The following NOL11 variants were observed in gnomAD, a reference collection of about 807,000 sequenced individuals.
NOL11 encodes the protein nucleolar protein 11.
NOL11 carries 42 observed loss-of-function variants against 93.0 expected under a neutral mutation model. The observed-to-expected ratio is 0.45, with a 90% confidence interval of 0.35 to 0.58. The LOEUF (loss-of-function observed/expected upper bound fraction) is 0.58. NOL11 is among the 20% of genes least tolerant of loss of function. The pLI is 0.00. For synonymous variants in NOL11, 296 were observed against 293.7 expected (o/e 1.01, Z -0.08); for missense variants, 775 against 841.8 (o/e 0.92, Z 0.98).
intron 7 of NOL11, among the ~76,000 whole-genome samples, chr17:67,730,957 G>A (rs1441029968): frequency 6.6e-6 from 1 of 152,166 alleles, no homozygotes; most frequent in African/African-American, 2.4e-5. Flanking sequence ...TTGGATTCTG[G>A]CCATTCTAGT....
Position 67,722,632 on chromosome 17 carries a change from G to GA in NOL11, c.519dup (p.His174ThrfsTer12). The GA allele has an allele frequency of 6.4e-7, 1 of 1,565,150 alleles. No homozygotes were observed. The highest frequency in any genetic ancestry group is 2.1e-5 in the Admixed American group (1 of 47,512). On this transcript the variant is annotated frameshift_variant, in exon 5 of 18. Transcript: ENST00000253247. LOFTEE classifies it high-confidence loss of function. Reference sequence around the variant, plus strand: ...ACATCCTGTTTTAATTTTTATTACTGAAAAAGTAAGTGATATCTTCAATTC... The same window carrying GA: ...ACATCCTGTTTTAATTTTTATTACTGAAAAAAGTAAGTGATATCTTCAATTC...
At chr17:67,722,674 A>C in intron 5 of NOL11, 37 bp downstream of exon 5, 1 of 1,458,410 alleles carries the variant, frequency 6.9e-7, no homozygotes, top group Non-Finnish European at 9.0e-7. Context: ...CATTTTGTGA[A>C]ATTTCTTTAA....
chr17:67,734,876 C>T (rs774255274), intron 8 of NOL11, among the ~76,000 whole-genome samples: 2 of 152,096 alleles, frequency 1.3e-5, no homozygotes, highest in Non-Finnish European at 2.9e-5. Context: ...TTATTTTTTA[C>T]CTGAGGGATT....
At chr17:67,742,950 A>T (rs571178067) in intron 16 of NOL11, among the ~76,000 whole-genome samples, 1 of 152,350 alleles carries the variant, frequency 6.6e-6, no homozygotes, top group South Asian at 2.1e-4. Flanking sequence ...TTTTAAAAAT[A>T]AAAAGACAAC....
intron 7 of NOL11, among the ~76,000 whole-genome samples, chr17:67,730,970 G>A (rs971085569): frequency 8.5e-5 from 13 of 152,130 alleles, no homozygotes; most frequent in African/African-American, 2.9e-4. Context: ...ATTCTAGTGG[G>A]TGTGAAGTAG....
intron 7 of NOL11, among the ~76,000 whole-genome samples, chr17:67,729,640 G>A (rs1027370594): frequency 6.6e-6 from 1 of 151,720 alleles, no homozygotes; most frequent in Non-Finnish European, 1.5e-5. Flanking sequence ...GTGCAGTTGC[G>A]CAATCTCGGC....
At chr17:67,739,075 C>G (rs1282911770) in intron 15 of NOL11, 65 bp downstream of exon 15, 3 of 1,167,642 alleles carry the variant, frequency 2.6e-6, no homozygotes, top group Non-Finnish European at 2.5e-6. Context: ...TTAACTCTAA[C>G]CAGCTGTTAG....
intron 7 of NOL11, among the ~76,000 whole-genome samples, chr17:67,730,217 G>A (rs1020112093): frequency 3.1e-4 from 47 of 151,898 alleles, no homozygotes; most frequent in African/African-American, 1.1e-3. Context: ...GAACATTCGT[G>A]TGCATGTATT....
At chr17:67,735,871 G>C (rs1183749920) in intron 8 of NOL11, 29 bp from the exon 9 acceptor site, 10 of 1,590,084 alleles carry the variant, frequency 6.3e-6, no homozygotes, top group Non-Finnish European at 8.6e-6. Flanking sequence ...AAAAAAATTT[G>C]CTTATGTTTT....
intron 13 of NOL11, 43 bp from the exon 14 acceptor site, chr17:67,738,079 T>G (rs2055219487): frequency 6.4e-7 from 1 of 1,553,142 alleles, no homozygotes; most frequent in Non-Finnish European, 8.7e-7. Flanking sequence ...TCCCAAAAGC[T>G]TGGTGATAAG....
At chr17:67,734,237 A>T in intron 7 of NOL11, 126 bp from the exon 8 acceptor site, 1 of 633,688 alleles carries the variant, frequency 1.6e-6, no homozygotes, top group South Asian at 1.9e-5. Context: ...TGTGGCAATC[A>T]CTGTCTTCAT....
chr17:67,726,621 C>G lies in NOL11; in HGVS notation c.826C>G (p.Leu276Val). The G allele has an allele frequency of 6.2e-7, 1 of 1,606,660 alleles. No individual in the cohort carries two copies. Among genetic ancestry groups the G allele is most frequent in the Middle Eastern group, 1.7e-4 (1 of 6,026 alleles). The change falls in exon 7 of 18, where the codon CTA (leucine) becomes GTA (valine). Residue 276 changes from leucine to valine, a missense_variant. Physicochemically the swap from Leu to Val is conservative, Grantham distance 32. Transcript: ENST00000253247. ...CCTGGATCAGGATCACGTCGCAGTC[C>G]TAGGAAGTCCACTAGCAGCTTCTAA... is the stretch of plus-strand genomic sequence containing the variant. Reference protein sequence around the residue: ...TALDQDHVAVLGSPLAASKEC... With the variant: ...TALDQDHVAVVGSPLAASKEC...
At chr17:67,739,466 G>T (rs770667865) in intron 15 of NOL11, 50 bp from the exon 16 acceptor site, 3 of 1,173,272 alleles carry the variant, frequency 2.6e-6, no homozygotes, top group Admixed American at 4.6e-5. Context: ...TTATATAATA[G>T]AAATTTTTTC....
Position 67,736,663 on chromosome 17 carries a change from T to G in NOL11, c.1055-3T>G. 1.3e-6 allele frequency: 2 copies of G among 1,596,834 alleles called. No homozygotes were observed. Among genetic ancestry groups the G allele is most frequent in the Non-Finnish European group, 1.7e-6 (2 of 1,169,542 alleles). ...AGAAATTGTGCATTTTGCATTTTCT[T>G]AGGAACTCATGTCGTGTCCCATTTT... On this transcript the variant is annotated splice_region_variant and splice_polypyrimidine_tract_variant and intron_variant, in intron 9 of 17. Coordinates refer to ENST00000253247, the MANE Select transcript of NOL11 (RefSeq NM_015462.5).
intron 7 of NOL11, among the ~76,000 whole-genome samples, chr17:67,732,170 A>G (rs576570167): frequency 7.9e-5 from 12 of 152,110 alleles, no homozygotes; most frequent in Non-Finnish European, 1.8e-4. Context: ...TTAGTGTACA[A>G]TGCTTTCACT....
At chr17:67,734,460 A>G (rs771100377) in intron 8 of NOL11, 21 bp downstream of exon 8, 1 of 1,426,890 alleles carries the variant, frequency 7.0e-7, no homozygotes, top group South Asian at 1.2e-5. Flanking sequence ...TCACTTGAGT[A>G]CTTTCTCTGA....
At chr17:67,738,467 T>C in intron 14 of NOL11, 112 bp downstream of exon 14, 1 of 679,076 alleles carries the variant, frequency 1.5e-6, no homozygotes, top group South Asian at 2.0e-5. Flanking sequence ...CCTTTTCCAA[T>C]TGTTTTTTGT....
In NOL11 at chr17:67,719,961, C is replaced by T; in HGVS notation, c.311C>T (p.Thr104Ile). Residue 104 changes from threonine to isoleucine, a missense_variant and splice_region_variant, in exon 3 of 18, where the codon ACA (threonine) becomes ATA (isoleucine). By Grantham distance (89) the Thr-to-Ile change is moderately conservative (BLOSUM62 -1). Around this residue, in one of 2 missense-constraint regions of NOL11, gnomAD observed 359 missense variants for 316.5 expected, o/e 1.13. Coordinates refer to ENST00000253247, the MANE Select transcript of NOL11 (RefSeq NM_015462.5). ...AACCTGGATAAAGTATTTAAAGCTA[C>T]AGTAAGTCTTTGAATTTTCCAACAT... The part of the protein sequence containing the change: ...DVNLDKVFKA[T>I]LSAEVYRILS... 1 of 1,553,798 alleles carries T rather than the reference C, an allele frequency of 6.4e-7. No individual in the cohort carries two copies. Among genetic ancestry groups the T allele is most frequent in the East Asian group, 2.3e-5 (1 of 43,922 alleles).
At chr17:67,727,562 C>T (rs2143101924) in intron 7 of NOL11, among the ~76,000 whole-genome samples, 1 of 152,158 alleles carries the variant, frequency 6.6e-6, no homozygotes, top group South Asian at 2.1e-4. Context: ...GGGGCTGAGG[C>T]AGGAGGATCG....
Sources: allele counts gnomAD v4.1 joint callset (sites outside exome capture counted in the v4.1 genomes callset), GRCh38; gene constraint gnomAD v4.1.1; regional missense constraint gnomAD v4.1.1; transcripts MANE v1.5; gene names NCBI Gene and HGNC (gene_info 2026-07-23, HGNC 2026-07-21).